The following MAGI2 variants were observed in gnomAD, a reference collection of about 807,000 sequenced individuals.
MAGI2 encodes the protein membrane-associated guanylate kinase, WW and PDZ domain-containing protein 2.
MAGI2 carries 35 observed loss-of-function variants against 133.3 expected under a neutral mutation model. The observed-to-expected ratio is 0.26, with a 90% CI of 0.20 to 0.35. The LOEUF is 0.35. Among genes scored for constraint, MAGI2 ranks in the 10% least tolerant of loss-of-function variants. MAGI2 has a pLI of 1.00. For missense variants in MAGI2, 1,636 were observed against 1,863.4 expected, an observed-to-expected ratio of 0.88 and a Z score of 2.25; for synonymous variants, 729 against 710.6, an observed-to-expected ratio of 1.03 and a Z score of -0.41.
At chr7:78,588,703 A>C (rs1338779656) in intron 3 of MAGI2, among the ~76,000 whole-genome samples, 1 of 152,206 alleles carries the variant, frequency 6.6e-6, no homozygotes, top group Non-Finnish European at 1.5e-5. Context: ...GGTTTTGAGC[A>C]GCCACATTAA....
intron 20 of MAGI2, among the ~76,000 whole-genome samples, chr7:78,084,053 G>A (rs982335846): frequency 1.3e-5 from 2 of 152,162 alleles, no homozygotes; most frequent in African/African-American, 4.8e-5. Context: ...TTACAAACGT[G>A]CTTACCTGGT....
intron 2 of MAGI2, among the ~76,000 whole-genome samples, chr7:78,704,299 CA>C (rs1818379745): frequency 6.6e-6 from 1 of 151,864 alleles, no homozygotes; most frequent in Non-Finnish European, 1.5e-5. Context: ...TACATGTGGC[CA>C]AGAAGCATAT....
chr7:78,899,835 C>G (rs1797477667), intron 2 of MAGI2, among the ~76,000 whole-genome samples: 1 of 152,146 alleles, frequency 6.6e-6, no homozygotes, highest in Admixed American at 6.5e-5. Context: ...AAAGAATTAC[C>G]AATGGGCAAA....
At chr7:79,171,300 C>T (rs1415611351) in intron 1 of MAGI2, among the ~76,000 whole-genome samples, 2 of 151,994 alleles carry the variant, frequency 1.3e-5, no homozygotes, top group African/African-American at 4.8e-5. Context: ...AGGGTATTCT[C>T]CCCCTGAGTG....
At chr7:78,424,826 C>T (rs1584040013) in intron 6 of MAGI2, among the ~76,000 whole-genome samples, 2 of 152,272 alleles carry the variant, frequency 1.3e-5, no homozygotes, top group South Asian at 4.1e-4. Flanking sequence ...GCTGAATTTA[C>T]CCAATGCCTG....
chr7:78,700,247 T>C (rs2151146561), intron 2 of MAGI2, among the ~76,000 whole-genome samples: 1 of 152,292 alleles, frequency 6.6e-6, no homozygotes, highest in African/African-American at 2.4e-5. Flanking sequence ...GAGATTCTCC[T>C]CTTGATAGAC....
chr7:79,123,378 T>A (rs1376618465), intron 1 of MAGI2, among the ~76,000 whole-genome samples: 1 of 152,174 alleles, frequency 6.6e-6, no homozygotes, highest in Non-Finnish European at 1.5e-5. Context: ...TTTGGCTCCG[T>A]CATTTACCAG....
intron 2 of MAGI2, among the ~76,000 whole-genome samples, chr7:78,775,206 G>C (rs887246090): frequency 6.6e-5 from 10 of 151,484 alleles, no homozygotes; most frequent in Non-Finnish European, 1.3e-4. Context: ...CCAGCTACTC[G>C]GGAGGCTGAG....
chr7:78,957,450 T>C (rs895207418), intron 2 of MAGI2, among the ~76,000 whole-genome samples: 49 of 152,158 alleles, frequency 3.2e-4, no homozygotes, highest in African/African-American at 1.1e-3. Context: ...AATTTTCTAA[T>C]GTAAAACTAA....
intron 1 of MAGI2, among the ~76,000 whole-genome samples, chr7:79,138,227 T>C (rs1282523040): frequency 6.6e-6 from 1 of 152,188 alleles, no homozygotes; most frequent in Non-Finnish European, 1.5e-5. Flanking sequence ...TTTTTCATAG[T>C]AGCCATAGGA....
At chr7:78,805,921 A>G (rs1163643295) in intron 2 of MAGI2, among the ~76,000 whole-genome samples, 1 of 152,158 alleles carries the variant, frequency 6.6e-6, no homozygotes, top group Non-Finnish European at 1.5e-5. Context: ...TCTTCCCTAC[A>G]ACCTCATGAG....
intron 6 of MAGI2, among the ~76,000 whole-genome samples, chr7:78,474,063 T>C (rs1298579030): frequency 6.6e-6 from 1 of 151,990 alleles, no homozygotes; most frequent in African/African-American, 2.4e-5. Context: ...AGCCCCACAA[T>C]AACAACATTA....
intron 2 of MAGI2, among the ~76,000 whole-genome samples, chr7:78,982,680 C>T (rs1804894139): frequency 6.6e-6 from 1 of 151,772 alleles, no homozygotes; most frequent in Non-Finnish European, 1.5e-5. Context: ...AACCATAATA[C>T]ACTTTTTTAT....
intron 15 of MAGI2, among the ~76,000 whole-genome samples, chr7:78,167,075 C>T (rs181961728): frequency 1.6e-4 from 25 of 152,028 alleles, no homozygotes; most frequent in African/African-American, 4.8e-4. Flanking sequence ...GCCAGCGGGC[C>T]GCTGGGGCAG....
At chr7:78,295,556 T>G (rs1409256563) in intron 9 of MAGI2, among the ~76,000 whole-genome samples, 1 of 152,172 alleles carries the variant, frequency 6.6e-6, no homozygotes, top group East Asian at 1.9e-4. Flanking sequence ...ATTTCTTCAC[T>G]TGGCTTCCAG....
chr7:78,160,017 G>A lies in MAGI2; in HGVS notation c.2845+8C>T. The A allele has an allele frequency of 6.5e-7, 1 of 1,537,300 alleles. No individual in the cohort carries two copies. Among genetic ancestry groups the A allele is most frequent in the Non-Finnish European group, 8.8e-7 (1 of 1,139,848 alleles). On this transcript the variant is annotated splice_region_variant and intron_variant, in intron 16 of 21. Transcript: ENST00000354212. ...CTTATTCAAATGCAGGCAAATTTCA[G>A]CACTTACTTATAGTGGATCCAGACT...
chr7:78,367,960 T>C (rs1266380883), intron 7 of MAGI2, among the ~76,000 whole-genome samples: 1 of 152,190 alleles, frequency 6.6e-6, no homozygotes, highest in Non-Finnish European at 1.5e-5. Context: ...TTTATCTTAC[T>C]TTTTTTGTAT....
chr7:79,079,112 T>A (rs1002406300), intron 1 of MAGI2, among the ~76,000 whole-genome samples: 1 of 152,120 alleles, frequency 6.6e-6, no homozygotes, highest in Non-Finnish European at 1.5e-5. Flanking sequence ...AAAATTCAGC[T>A]TTTCTTCCTC....
chr7:78,289,619 G>A (rs1201349327), intron 9 of MAGI2, among the ~76,000 whole-genome samples: 1 of 152,014 alleles, frequency 6.6e-6, no homozygotes, highest in Non-Finnish European at 1.5e-5. Context: ...GATACTCCTC[G>A]AGAAGAGCAA....
Sources: allele counts gnomAD v4.1 joint callset (sites outside exome capture counted in the v4.1 genomes callset), GRCh38; gene constraint gnomAD v4.1.1; transcripts MANE v1.5; gene names NCBI Gene and HGNC (gene_info 2026-07-23, HGNC 2026-07-21).